REPS1: variants seen among roughly 807,000 people sequenced by gnomAD.
The protein encoded by REPS1 is ralBP1-associated Eps domain-containing protein 1.
A neutral mutation model predicts 100.9 loss-of-function variants in REPS1; 39 were observed. The ratio of observed to expected loss-of-function variants is 0.39; its 90% CI spans 0.30 to 0.50. The LOEUF is 0.50. REPS1 is among the 20% of genes least tolerant of loss of function. The probability of loss-of-function intolerance (pLI) is 0.86; values close to 1 mark genes in which losing one functional copy is unlikely to be tolerated. For missense variants in REPS1, 821 were observed against 968.5 expected (o/e 0.85, Z 2.02); for synonymous variants, 324 against 340.3 (o/e 0.95, Z 0.53).
intron 19 of REPS1, 50 bp downstream of exon 19, chr6:138,907,445 G>A: frequency 4.6e-6 from 6 of 1,293,144 alleles, no homozygotes; most frequent in Non-Finnish European, 6.7e-6. Flanking sequence ...TTCTCTTTAG[G>A]TTTCTTTACT....
chr6:138,941,616 C>G, intron 7 of REPS1, 127 bp from the exon 8 acceptor site: 1 of 883,858 alleles, frequency 1.1e-6, no homozygotes, highest in Admixed American at 2.5e-5. Context: ...AAATCCCATA[C>G]ACAGAAAGAT....
chr6:138,954,984 T>C (rs1020257850), intron 1 of REPS1, among the ~76,000 whole-genome samples: 1 of 152,212 alleles, frequency 6.6e-6, no homozygotes, highest in African/African-American at 2.4e-5. Context: ...TTATAAAGCA[T>C]TTCATTGTGT....
At chr6:138,958,552 T>C (rs918344724) in intron 1 of REPS1, among the ~76,000 whole-genome samples, 12 of 152,174 alleles carry the variant, frequency 7.9e-5, no homozygotes, top group African/African-American at 2.9e-4. Context: ...TGTGTCTATG[T>C]GTTCTCACGG....
At chr6:138,916,076 G>A (rs1780357544) in intron 13 of REPS1, 100 bp from the exon 14 acceptor site, 2 of 860,384 alleles carry the variant, frequency 2.3e-6, no homozygotes, top group Admixed American at 3.6e-5. Flanking sequence ...GATCTTATTA[G>A]CATGACATTT....
chr6:138,965,770 T>C (rs974661578), intron 1 of REPS1, among the ~76,000 whole-genome samples: 40 of 152,304 alleles, frequency 2.6e-4, no homozygotes, highest in South Asian at 1.5e-3. Flanking sequence ...CCTTACAACA[T>C]GCCACATAAA....
chr6:138,962,001 T>C (rs1783769598), intron 1 of REPS1, among the ~76,000 whole-genome samples: 1 of 152,160 alleles, frequency 6.6e-6, no homozygotes. Context: ...CATGAAGAGA[T>C]TTTTCTAAAG....
intron 1 of REPS1, among the ~76,000 whole-genome samples, chr6:138,951,981 T>C (rs1346871352): frequency 2.0e-5 from 3 of 152,190 alleles, no homozygotes; most frequent in South Asian, 2.1e-4. Flanking sequence ...CCTGTTAGGA[T>C]ATAGATTCCC....
chr6:138,914,371 C>G (rs193260336), intron 15 of REPS1, among the ~76,000 whole-genome samples: 18 of 152,288 alleles, frequency 1.2e-4, no homozygotes, highest in African/African-American at 4.1e-4. Context: ...CTGCACCCAG[C>G]CTGGTGAAGT....
intron 1 of REPS1, among the ~76,000 whole-genome samples, chr6:138,971,565 T>C (rs1161896925): frequency 6.6e-6 from 1 of 151,972 alleles, no homozygotes; most frequent in Non-Finnish European, 1.5e-5. Context: ...TTTTAAAAAA[T>C]GTCTTACAAT....
At chr6:138,950,320 T>C (rs1199268625) in intron 1 of REPS1, among the ~76,000 whole-genome samples, 1 of 151,990 alleles carries the variant, frequency 6.6e-6, no homozygotes, top group African/African-American at 2.4e-5. Context: ...CGAAAAAAAA[T>C]TTAGTTAAAA....
chr6:138,949,566 A>C (rs926201946), intron 1 of REPS1, among the ~76,000 whole-genome samples: 3 of 152,022 alleles, frequency 2.0e-5, no homozygotes, highest in African/African-American at 7.3e-5. Context: ...TGTCTACTAA[A>C]AATACAAAAG....
At chr6:138,925,676 A>G (rs1276633568) in intron 10 of REPS1, among the ~76,000 whole-genome samples, 1 of 150,136 alleles carries the variant, frequency 6.7e-6, no homozygotes, top group Non-Finnish European at 1.5e-5. Flanking sequence ...AAAAAAAAAG[A>G]CAGAGAGAGA....
chr6:138,919,793 TAA>T (rs908682016), intron 12 of REPS1, among the ~76,000 whole-genome samples: 1 of 152,212 alleles, frequency 6.6e-6, no homozygotes, highest in Non-Finnish European at 1.5e-5. Context: ...CTTTCTAATA[TAA>T]GAGTTATTTT....
chr6:138,923,614 C>A (rs1352213943), intron 10 of REPS1, among the ~76,000 whole-genome samples: 1 of 152,170 alleles, frequency 6.6e-6, no homozygotes, highest in African/African-American at 2.4e-5. Flanking sequence ...CTAGCAGAAG[C>A]AGATTCTACC....
At position 138,987,605 on chromosome 6, in the gene REPS1, G is replaced by C. The variant is rs1479950792; in HGVS notation, c.78C>G (p.Thr26=). Residue 26 remains threonine, a synonymous_variant, in exon 1 of 20, where the codon ACC becomes ACG. Coordinates refer to ENST00000450536, the MANE Select transcript of REPS1 (RefSeq NM_001286611.2). ...CCCGCCCGTTGACCACCACCTTCTTGGTGCTCTCAATGTCGCAGTAGGAGA... is the reference window on the plus strand; with the variant it reads ...CCCGCCCGTTGACCACCACCTTCTTCGTGCTCTCAATGTCGCAGTAGGAGA... ...DLFSYCDIES[T]KKVVVNGRVL... 18 of 1,551,168 alleles carry C rather than the reference G, an allele frequency of 1.2e-5. No individual in the cohort carries two copies. The South Asian group carries it at 1.9e-4, about 16-fold the overall frequency.
intron 2 of REPS1, among the ~76,000 whole-genome samples, chr6:138,947,455 T>C (rs1218923554): frequency 6.6e-6 from 1 of 152,234 alleles, no homozygotes; most frequent in South Asian, 2.1e-4. Context: ...TACATGAAGA[T>C]GGTCGCTGTA....
At chr6:138,972,347 TG>T (rs1400314808) in intron 1 of REPS1, among the ~76,000 whole-genome samples, 1 of 152,098 alleles carries the variant, frequency 6.6e-6, no homozygotes, top group Non-Finnish European at 1.5e-5. Context: ...ACAGATCTGC[TG>T]GGAAGGAACA....
rs564954463 is a variant in REPS1, at chr6:138,968,435, C to A, written c.153+19095G>T. Among the ~76,000 whole-genome samples, 4 of 152,166 alleles carry A rather than the reference C, an allele frequency of 2.6e-5. No individual in the cohort carries two copies. In the East Asian group the frequency reaches 7.7e-4, roughly 29 times the overall value. ...TAATGGGCAAAGAGAAAGTTCTTGC[C>A]CAAGGATATTGACTAGAAATCAGCA... On this transcript the variant is annotated intron_variant, in intron 1 of 19. Coordinates refer to ENST00000450536, the MANE Select transcript of REPS1 (RefSeq NM_001286611.2).
At chr6:138,931,052 A>AACAGGGAGTAC (rs1168041553) in intron 8 of REPS1, among the ~76,000 whole-genome samples, 2 of 152,174 alleles carry the variant, frequency 1.3e-5, no homozygotes, top group Non-Finnish European at 2.9e-5. Flanking sequence ...AACCCCAGTC[A>AACAGGGAGTAC]ACAGGGAGTA....
Sources: gnomAD v4.1 joint callset for allele counts (sites outside exome capture counted in the v4.1 genomes callset) on GRCh38, gnomAD v4.1.1 for gene constraint, MANE v1.5 for transcripts, NCBI Gene and HGNC (gene_info 2026-07-23, HGNC 2026-07-21) for gene names.